ZNF592: variants seen among roughly 807,000 people sequenced by gnomAD.
The protein encoded by ZNF592 is zinc finger protein 592.
ZNF592 carries 11 observed loss-of-function variants against 80.3 expected under a neutral mutation model. The ratio of observed to expected loss-of-function variants is 0.14; its 90% CI spans 0.09 to 0.23. ZNF592 has a LOEUF of 0.23. Ranked by LOEUF, ZNF592 falls within the 10% of genes least tolerant of loss-of-function variation. The pLI is 1.00. For synonymous variants in ZNF592, 646 were observed against 640.3 expected, an observed-to-expected ratio of 1.01 and a Z score of -0.13; for missense variants, 1,420 against 1,633.9, an observed-to-expected ratio of 0.87 and a Z score of 2.26.
chr15:84,796,933 A>G (rs1962935983), intron 5 of ZNF592, among the ~76,000 whole-genome samples: 1 of 152,054 alleles, frequency 6.6e-6, no homozygotes, highest in African/African-American at 2.4e-5. Flanking sequence ...TGTTATTTAA[A>G]TAGCCACGTG....
chr15:84,790,939 A>G (rs1380970792), intron 5 of ZNF592, 56 bp downstream of exon 5: 2 of 1,607,150 alleles, frequency 1.2e-6, no homozygotes, highest in African/African-American at 2.7e-5. Context: ...TCCTTTTCCT[A>G]AGCCAGAACT....
intron 2 of ZNF592, among the ~76,000 whole-genome samples, chr15:84,772,372 G>A (rs970294215): frequency 6.6e-6 from 1 of 152,000 alleles, no homozygotes; most frequent in Non-Finnish European, 1.5e-5. Flanking sequence ...ATAACATAGG[G>A]AGACCCTGTC....
At chr15:84,776,853 C>T (rs974898697) in intron 2 of ZNF592, among the ~76,000 whole-genome samples, 14 of 151,896 alleles carry the variant, frequency 9.2e-5, no homozygotes, top group African/African-American at 3.4e-4. Flanking sequence ...AGATCAAGGC[C>T]ACCCTGGCTA....
intron 3 of ZNF592, among the ~76,000 whole-genome samples, chr15:84,781,863 A>G (rs1433015131): frequency 6.6e-6 from 1 of 152,212 alleles, no homozygotes; most frequent in Non-Finnish European, 1.5e-5. Flanking sequence ...GCTTTCCCAG[A>G]TCATGAAGGA....
intron 5 of ZNF592, among the ~76,000 whole-genome samples, chr15:84,797,483 C>A (rs780502673): frequency 1.2e-4 from 18 of 152,244 alleles, no homozygotes; most frequent in Admixed American, 2.0e-4. Context: ...TCTTGGACTT[C>A]TACAGTTGCC....
chr15:84,765,108 C>G (rs1395685694), intron 2 of ZNF592, among the ~76,000 whole-genome samples: 7 of 152,156 alleles, frequency 4.6e-5, no homozygotes, highest in Non-Finnish European at 1.0e-4. Context: ...GCAACCAATT[C>G]TACTTCTTGT....
In ZNF592 at chr15:84,798,617, C is replaced by T. The variant is rs146530529; in HGVS notation, c.2766C>T (p.Asp922=). ...CCCACGGTGTTCCCCGAAATGTGGACGAGCTGTCAAGCCTCCAGTCTTCAG... is the reference window on the plus strand; with the variant it reads ...CCCACGGTGTTCCCCGAAATGTGGATGAGCTGTCAAGCCTCCAGTCTTCAG... ...KSTHGVPRNV[D]ELSSLQSSAD... Residue 922 remains aspartate, a synonymous_variant, in exon 8 of 11, where the codon GAC becomes GAT. Coordinates refer to ENST00000560079, the MANE Select transcript of ZNF592 (RefSeq NM_014630.3). This position sits in a 1 kb window ranked among gnomAD's most constrained non-coding sequence, Gnocchi z 4.5. 42 of 1,613,964 alleles carry T rather than the reference C, an allele frequency of 2.6e-5. No individual in the cohort carries two copies. Among genetic ancestry groups the T allele is most frequent in the African/African-American group, 9.3e-5 (7 of 74,930 alleles).
chr15:84,784,238 C>G lies in ZNF592; in HGVS notation c.1563C>G (p.Ala521=), dbSNP rs758723738. 19 of 1,614,122 alleles carry G rather than the reference C, an allele frequency of 1.2e-5. No homozygotes were observed. In the African/African-American group the frequency reaches 2.4e-4, roughly 20 times the overall value. Residue 521 remains alanine (A), a synonymous_variant, in exon 4 of 11, where the codon GCC becomes GCG. Transcript: ENST00000560079. The surrounding 1 kb of genome is among the most constrained non-coding windows in gnomAD (Gnocchi z 5.8). ...ACAGTGTTGCTGCATCAGTGACAGC[C>G]AAGTCTTCAGTGCAAAGACGGAGCC... The part of the protein sequence containing the change: ...VPHSVAASVT[A]KSSVQRRSQP...
chr15:84,778,776 A>T (rs999800468), intron 3 of ZNF592, among the ~76,000 whole-genome samples: 12 of 152,176 alleles, frequency 7.9e-5, no homozygotes, highest in Admixed American at 3.3e-4. Flanking sequence ...TCAAATGGAG[A>T]ACAGCAGCTA....
In ZNF592 at chr15:84,797,245, C is replaced by T. The variant is rs577762424; in HGVS notation, c.2400-624C>T. ...CCAAGTGCTGGGATTACAGGCGTGACCTATCGTGCCCGCCCCAGTGGAACT... is the reference window on the plus strand; with the variant it reads ...CCAAGTGCTGGGATTACAGGCGTGATCTATCGTGCCCGCCCCAGTGGAACT... On this transcript the variant is annotated intron_variant, in intron 5 of 10. Transcript: ENST00000560079. Among the ~76,000 whole-genome samples, 4 of 152,264 alleles carry T rather than the reference C, an allele frequency of 2.6e-5. No homozygotes were observed. In the South Asian group the frequency reaches 8.3e-4, roughly 32 times the overall value.
rs902254845 is a variant in ZNF592, at chr15:84,766,339, T to C, written c.-150+1524T>C. ...ATTTGTCTAATCATAGGAAGGCACA[T>C]AGGGACATGTTAGGTTATCATTCCC... On this transcript the variant is annotated intron_variant, in intron 2 of 10. Coordinates refer to ENST00000560079, the MANE Select transcript of ZNF592 (RefSeq NM_014630.3). Among the ~76,000 whole-genome samples, 6 of 152,226 alleles carry C rather than the reference T, an allele frequency of 3.9e-5. No homozygotes were observed. In the South Asian group the frequency reaches 6.2e-4, roughly 16 times the overall value.
At chr15:84,755,787 G>A (rs1345986700) in intron 1 of ZNF592, among the ~76,000 whole-genome samples, 1 of 152,180 alleles carries the variant, frequency 6.6e-6, no homozygotes, top group Non-Finnish European at 1.5e-5. Context: ...CTATAGAGAT[G>A]TATGATGTTG....
intron 1 of ZNF592, among the ~76,000 whole-genome samples, chr15:84,761,929 T>C (rs919936727): frequency 3.3e-5 from 5 of 152,288 alleles, no homozygotes; most frequent in African/African-American, 1.2e-4. Context: ...TACTTATTTC[T>C]GAAAGTATTT....
chr15:84,763,388 GAAAC>G (rs1899407963), intron 1 of ZNF592, among the ~76,000 whole-genome samples: 1 of 152,200 alleles, frequency 6.6e-6, no homozygotes, highest in Non-Finnish European at 1.5e-5. Context: ...TAACCCAACA[GAAAC>G]TGGTGGCCAG....
rs756177830 is a variant in ZNF592, at chr15:84,784,375, T to C, written c.1700T>C (p.Leu567Pro). ...CTTCACAGCTCCAACCCCGTGCCCC[T>C]CTATGCGCCAAATCTCAGCCCGCCT... ...KVLHSSNPVP[L>P]YAPNLSPPAD... The change falls in exon 4 of 11, where the codon CTC (leucine) becomes CCC (proline). Residue 567 changes from leucine (L) to proline (P), a missense_variant. By Grantham distance (98) the Leu-to-Pro change is moderately conservative (BLOSUM62 -3). Around this residue, in one of 7 missense-constraint regions of ZNF592, gnomAD observed 524 missense variants for 628.3 expected, o/e 0.83. Transcript: ENST00000560079. This position sits in a 1 kb window ranked among gnomAD's most constrained non-coding sequence, Gnocchi z 5.8. 2.5e-6 allele frequency: 4 copies of C among 1,614,146 alleles called. No individual in the cohort carries two copies. In the Admixed American group the frequency reaches 6.7e-5, roughly 27 times the overall value.
intron 5 of ZNF592, among the ~76,000 whole-genome samples, chr15:84,793,470 G>A (rs1378937913): frequency 3.6e-4 from 55 of 152,222 alleles, no homozygotes; most frequent in Admixed American, 3.6e-3. Flanking sequence ...CTCAAAAGCA[G>A]TTCAGTTTAT....
Position 84,802,048 on chromosome 15 carries a change from C to T in ZNF592, c.3459C>T (p.Ala1153=), listed in dbSNP as rs1567079780. 1 of 1,613,746 alleles carries T rather than the reference C, an allele frequency of 6.2e-7. No homozygotes were observed. The highest frequency in any genetic ancestry group is 2.2e-5 in the East Asian group (1 of 44,882). ...AGCACCAGGTGGACAGCTCCACAGC[C>T]CAATGTCTCCTCTGTGGTTTGTGCT... The part of the protein sequence containing the change: ...IPQHQVDSST[A]QCLLCGLCYT... The change falls in exon 11 of 11, where the codon GCC becomes GCT. Residue 1153 remains alanine (A), a synonymous_variant. Coordinates refer to ENST00000560079, the MANE Select transcript of ZNF592 (RefSeq NM_014630.3).
rs1348426611 is a variant in ZNF592 at position 84,803,263 on chromosome 15, C to T, written c.*870C>T. ...TCCTCTTGGCTACACTCATGTTGCTCAGACTATATTTCAAATAAAAAATCT... is the reference window on the plus strand; with the variant it reads ...TCCTCTTGGCTACACTCATGTTGCTTAGACTATATTTCAAATAAAAAATCT... On this transcript the variant is annotated 3_prime_UTR_variant, in exon 11 of 11. Coordinates refer to ENST00000560079, the MANE Select transcript of ZNF592 (RefSeq NM_014630.3). 1 of 152,652 alleles carries T rather than the reference C, an allele frequency of 6.6e-6. No individual in the cohort carries two copies. The highest frequency in any genetic ancestry group is 1.5e-5 in the Non-Finnish European group (1 of 68,048). 9.5% of individuals were successfully genotyped at this position (152,652 alleles called of 1,614,324 possible). A position where few individuals can be genotyped will look rare whatever the true frequency, so the allele number is the denominator to read the frequency against.
intron 3 of ZNF592, among the ~76,000 whole-genome samples, chr15:84,780,040 G>A (rs1422038275): frequency 1.4e-5 from 2 of 144,892 alleles, no homozygotes; most frequent in Non-Finnish European, 3.0e-5. Flanking sequence ...AGGCTGGAGT[G>A]CAGTGGCAAG....
Sources: gnomAD v4.1 joint callset for allele counts (sites outside exome capture counted in the v4.1 genomes callset) on GRCh38, gnomAD v4.1.1 for gene constraint, gnomAD v4.1.1 regional missense constraint, Gnocchi (gnomAD v3.1) non-coding constraint, MANE v1.5 for transcripts, NCBI Gene and HGNC (gene_info 2026-07-23, HGNC 2026-07-21) for gene names.